Variants in HMCES observed in about 807,000 individuals in gnomAD.
The protein encoded by HMCES is 5-hydroxymethylcytosine binding, ES cell specific, also known as abasic site processing protein HMCES.
In HMCES, 27 loss-of-function variants were observed where a neutral mutation model predicts 35.1. That is an observed-to-expected ratio of 0.77 (90% CI 0.57 to 1.06). The LOEUF is 1.06. HMCES is among the 50% of genes least tolerant of loss of function. The pLI, the probability that HMCES is intolerant of heterozygous loss-of-function variation, is 0.00. For missense variants in HMCES, 391 were observed against 430.4 expected (o/e 0.91, Z 0.81); for synonymous variants, 130 against 154.7 (o/e 0.84, Z 1.18).
At chr3:129,281,003 C>T (rs1217804888) in intron 2 of HMCES, among the ~76,000 whole-genome samples, 7 of 151,960 alleles carry the variant, frequency 4.6e-5, no homozygotes, top group Non-Finnish European at 8.8e-5. Context: ...GCGGGCGGAT[C>T]ACGAGGTCAA....
intron 5 of HMCES, 91 bp from the exon 6 acceptor site, chr3:129,301,859 A>G: frequency 9.8e-7 from 1 of 1,023,970 alleles, no homozygotes; most frequent in Non-Finnish European, 1.5e-6. Context: ...CCCTTGTGAT[A>G]TTTGAGGTAT....
chr3:129,302,543 T>C (rs1241955658), intron 6 of HMCES, among the ~76,000 whole-genome samples: 3 of 151,986 alleles, frequency 2.0e-5, no homozygotes, highest in Admixed American at 6.6e-5. Flanking sequence ...TGAAACCCCG[T>C]CTCTACTAAA....
chr3:129,302,007 A>C lies in HMCES; in HGVS notation c.693A>C (p.Glu231Asp). The change falls in exon 6 of 7, where the codon GAA (glutamate) becomes GAC (aspartate). Residue 231 changes from glutamate to aspartate, a missense_variant. Glu to Asp is a conservative substitution (Grantham distance 45). Coordinates refer to ENST00000383463, the MANE Select transcript of HMCES (RefSeq NM_020187.3). ...TTTCTAAATGGCTTGACTTTGGTGA[A>C]GTCTCAACTCAGGAAGCTCTGAAAT... The part of the protein sequence containing the change: ...EAVSKWLDFG[E>D]VSTQEALKLI... The C allele has an allele frequency of 6.2e-7, 1 of 1,614,170 alleles. No individual in the cohort carries two copies. The highest frequency in any genetic ancestry group is 8.5e-7 in the Non-Finnish European group (1 of 1,180,014).
chr3:129,295,439 A>AG, intron 4 of HMCES, among the ~76,000 whole-genome samples: 1 of 151,778 alleles, frequency 6.6e-6, no homozygotes, highest in African/African-American at 2.4e-5. Flanking sequence ...TCTATCAAAA[A>AG]AAAAAACAAA....
chr3:129,280,344 G>C (rs1576976120), intron 2 of HMCES, among the ~76,000 whole-genome samples: 1 of 152,006 alleles, frequency 6.6e-6, no homozygotes, highest in Admixed American at 6.6e-5. Context: ...CTAGGAGTTG[G>C]AGACCAGCCT....
In HMCES at chr3:129,292,036, A is replaced by C. The variant is rs112010745; in HGVS notation, c.453+1232A>C. Reference sequence around the variant, plus strand: ...GGTTGCAGTGAGCTGAGGTCGTGCTACTGTACTCCAGCCTGAGTGACAGAG... The same window carrying C: ...GGTTGCAGTGAGCTGAGGTCGTGCTCCTGTACTCCAGCCTGAGTGACAGAG... On this transcript the variant is annotated intron_variant, in intron 4 of 6. Transcript: ENST00000383463. 7.4e-3 allele frequency among the ~76,000 whole-genome samples: 1,119 copies of C among 152,142 alleles called. 17 individuals carry two copies. Among genetic ancestry groups the C allele is most frequent in the African/African-American group, 0.024 (988 of 41,492 alleles).
At chr3:129,298,143 A>C (rs2071116043) in intron 4 of HMCES, among the ~76,000 whole-genome samples, 2 of 152,232 alleles carry the variant, frequency 1.3e-5, no homozygotes, top group Non-Finnish European at 2.9e-5. Context: ...GAAGGTGTTA[A>C]ATTCTGAAAG....
At chr3:129,301,204 AAAG>A (rs1179031231) in intron 5 of HMCES, among the ~76,000 whole-genome samples, 9 of 126,864 alleles carry the variant, frequency 7.1e-5, no homozygotes, top group Non-Finnish European at 1.1e-4. Context: ...AAAAAAAAAA[AAAG>A]AAGAAAAAAA....
intron 2 of HMCES, among the ~76,000 whole-genome samples, chr3:129,281,220 C>CA (rs371391074): frequency 3.2e-4 from 46 of 141,674 alleles, no homozygotes; most frequent in Admixed American, 6.3e-4. Flanking sequence ...GACTCCATCT[C>CA]AAAAAAAAAA....
At chr3:129,302,176 G>A (rs1560078779) in intron 6 of HMCES, 34 bp downstream of exon 6, 3 of 1,533,726 alleles carry the variant, frequency 2.0e-6, no homozygotes, top group Non-Finnish European at 2.6e-6. Flanking sequence ...TCCTTTTTGA[G>A]CTTTCTGTCT....
Position 129,304,770 on chromosome 3 carries a change from G to GGCT in HMCES, c.1012_1014dup (p.Leu338dup). ...GGCACTGCAGGACTCCTAGAGCAAT[G>GGCT]GCTGAAGCGGGAGAAGGAGGAGGAA... On this transcript the variant is annotated inframe_insertion, in exon 7 of 7. Coordinates refer to ENST00000383463, the MANE Select transcript of HMCES (RefSeq NM_020187.3). The GGCT allele has an allele frequency of 1.9e-6, 3 of 1,614,160 alleles. No homozygotes were observed. Among genetic ancestry groups the GGCT allele is most frequent in the Non-Finnish European group, 2.5e-6 (3 of 1,180,038 alleles).
intron 4 of HMCES, among the ~76,000 whole-genome samples, chr3:129,292,849 T>A (rs1188631309): frequency 6.6e-5 from 10 of 152,162 alleles, no homozygotes; most frequent in African/African-American, 1.9e-4. Context: ...TCTGTCTCCC[T>A]AGCTGGCTTT....
rs556396737 is a variant in HMCES, at chr3:129,291,253, T to G, written c.453+449T>G. ...GAGCTCATTGAGAGATAATTCACCTTAAAATTCACCTTTTTAAAATGTGCA... is the reference window on the plus strand; with the variant it reads ...GAGCTCATTGAGAGATAATTCACCTGAAAATTCACCTTTTTAAAATGTGCA... On this transcript the variant is annotated intron_variant, in intron 4 of 6. Transcript: ENST00000383463. 2.6e-5 allele frequency among the ~76,000 whole-genome samples: 4 copies of G among 152,358 alleles called. No homozygotes were observed. The South Asian group carries it at 8.3e-4, about 32-fold the overall frequency.
intron 4 of HMCES, among the ~76,000 whole-genome samples, chr3:129,295,058 C>T (rs947965548): frequency 6.7e-6 from 1 of 150,280 alleles, no homozygotes; most frequent in South Asian, 2.1e-4. Flanking sequence ...ACTTGGGAGG[C>T]TGAGGCAGGA....
intron 4 of HMCES, among the ~76,000 whole-genome samples, chr3:129,294,491 A>AAT (rs143064683): frequency 0.027 from 4,130 of 152,334 alleles, 138 homozygotes; most frequent in East Asian, 0.11. Context: ...ATTTTAAGTT[A>AAT]ATAACATTCT....
chr3:129,293,968 A>G (rs367912837), intron 4 of HMCES, among the ~76,000 whole-genome samples: 49 of 152,138 alleles, frequency 3.2e-4, no homozygotes, highest in African/African-American at 1.1e-3. Flanking sequence ...AATTTAATGT[A>G]ATTATTGATG....
rs1940405419 is a variant in HMCES, at chr3:129,279,646, C to T, written c.-23-64C>T. 1 of 1,486,688 alleles carries T rather than the reference C, an allele frequency of 6.7e-7. No individual in the cohort carries two copies. The highest frequency in any genetic ancestry group is 9.2e-7 in the Non-Finnish European group (1 of 1,092,252). The allele number at this position is 1,486,688 out of a possible 1,614,324, so 92.1% of individuals were successfully genotyped here. ...TGGGAACGGAAAGAGAAGGCGGGGA[C>T]TCAAGGAATAAGACCTAATATTTGA... is the stretch of plus-strand genomic sequence containing the variant. On this transcript the variant is annotated intron_variant, in intron 1 of 6. Transcript: ENST00000383463. The surrounding 1 kb of genome is among the most constrained non-coding windows in gnomAD (Gnocchi z 4.2).
chr3:129,283,094 A>G (rs1250121702), intron 2 of HMCES, among the ~76,000 whole-genome samples: 2 of 152,172 alleles, frequency 1.3e-5, no homozygotes, highest in African/African-American at 4.8e-5. Context: ...GCTAGATGTC[A>G]GTAGCATCCT....
At position 129,279,577 on chromosome 3, in the gene HMCES, T is replaced by C; in HGVS notation, c.-23-133T>C. Reference sequence around the variant, plus strand: ...CACATCCTTGTCTTTGTGGGACTTTTTGGGGAAGACTTTAGACGGTGGTCA... The same window carrying C: ...CACATCCTTGTCTTTGTGGGACTTTCTGGGGAAGACTTTAGACGGTGGTCA... On this transcript the variant is annotated intron_variant, in intron 1 of 6. Coordinates refer to ENST00000383463, the MANE Select transcript of HMCES (RefSeq NM_020187.3). The surrounding 1 kb of genome is among the most constrained non-coding windows in gnomAD (Gnocchi z 4.2). The C allele has an allele frequency of 2.3e-6, 2 of 859,066 alleles. No individual in the cohort carries two copies. The highest frequency in any genetic ancestry group is 3.6e-6 in the Non-Finnish European group (2 of 562,320). 53.2% of individuals were successfully genotyped at this position (859,066 alleles called of 1,614,324 possible).
Sources: allele counts gnomAD v4.1 joint callset (sites outside exome capture counted in the v4.1 genomes callset), GRCh38; gene constraint gnomAD v4.1.1; non-coding constraint Gnocchi (gnomAD v3.1); transcripts MANE v1.5; gene names NCBI Gene and HGNC (gene_info 2026-07-23, HGNC 2026-07-21).